ADAMTS12: variants seen among roughly 807,000 people sequenced by gnomAD.
ADAMTS12 encodes the protein ADAM metallopeptidase with thrombospondin type 1 motif 12.
In ADAMTS12, 118 loss-of-function variants were observed where a neutral mutation model predicts 167.8. That is an observed-to-expected ratio of 0.70 (90% confidence interval 0.61 to 0.82). The LOEUF is 0.82. ADAMTS12 is among the 40% of genes least tolerant of loss of function. The probability of loss-of-function intolerance (pLI) is 0.00; values close to 1 mark genes in which losing one functional copy is unlikely to be tolerated. For synonymous variants in ADAMTS12, 704 were observed against 716.9 expected, an observed-to-expected ratio of 0.98 and a Z score of 0.29; for missense variants, 1,916 against 1,998.8, an observed-to-expected ratio of 0.96 and a Z score of 0.79.
In ADAMTS12 at chr5:33,658,119, A is replaced by G. The variant is rs541985270; in HGVS notation, c.1190+65T>C. 4.4e-6 allele frequency: 7 copies of G among 1,588,134 alleles called. No homozygotes were observed. In the South Asian group the frequency reaches 4.5e-5, roughly 10 times the overall value. On this transcript the variant is annotated intron_variant, in intron 7 of 23. Coordinates refer to ENST00000504830, the MANE Select transcript of ADAMTS12 (RefSeq NM_030955.4). ...CCCAATTTGAGGTGTGTTCACCTCA[A>G]ATTCTCTCTGCTGATATTGACACAT...
chr5:33,545,447 G>A (rs1306622404), intron 22 of ADAMTS12, among the ~76,000 whole-genome samples: 1 of 152,240 alleles, frequency 6.6e-6, no homozygotes, highest in Non-Finnish European at 1.5e-5. Flanking sequence ...GTGGAGGACA[G>A]TGTGGTGATT....
intron 2 of ADAMTS12, among the ~76,000 whole-genome samples, chr5:33,834,926 A>G (rs1159891795): frequency 2.0e-5 from 3 of 152,320 alleles, no homozygotes; most frequent in East Asian, 1.9e-4. Flanking sequence ...TGGAGTCCCA[A>G]TGGCCCTTGC....
intron 2 of ADAMTS12, among the ~76,000 whole-genome samples, chr5:33,776,767 T>G (rs1745925386): frequency 4.0e-5 from 6 of 151,370 alleles, no homozygotes; most frequent in Admixed American, 3.3e-4. Flanking sequence ...AGAAGATAAA[T>G]AAAATTGACA....
At chr5:33,710,873 C>A (rs989397152) in intron 3 of ADAMTS12, among the ~76,000 whole-genome samples, 19 of 152,060 alleles carry the variant, frequency 1.2e-4, no homozygotes, top group Non-Finnish European at 2.6e-4. Flanking sequence ...CAGGAAAAAT[C>A]TTAATGAGTA....
Position 33,576,684 on chromosome 5 carries a change from G to A in ADAMTS12, c.3342C>T (p.Thr1114=), listed in dbSNP as rs1403266044. The part of the protein sequence containing the change: ...ENVSSSDTGP[T]SEGGLVATTT... The stretch of plus-strand genomic sequence containing the variant: ...TTGTAGCTACAAGGCCTCCCTCCGA[G>A]GTAGGACCAGTATCTGAACTGGAAA... The change falls in exon 19 of 24, where the codon ACC becomes ACT. Residue 1114 remains threonine (T), a synonymous_variant. Coordinates refer to ENST00000504830, the MANE Select transcript of ADAMTS12 (RefSeq NM_030955.4). 2 of 1,614,214 alleles carry A rather than the reference G, an allele frequency of 1.2e-6. No individual in the cohort carries two copies. The highest frequency in any genetic ancestry group is 3.3e-5 in the Admixed American group (2 of 60,030).
At chr5:33,685,568 G>A (rs1742294543) in intron 3 of ADAMTS12, among the ~76,000 whole-genome samples, 1 of 152,202 alleles carries the variant, frequency 6.6e-6, no homozygotes, top group African/African-American at 2.4e-5. Flanking sequence ...ATTGACAAAA[G>A]AAATGAAACA....
chr5:33,653,926 C>T (rs1740952656), intron 7 of ADAMTS12, among the ~76,000 whole-genome samples: 1 of 152,166 alleles, frequency 6.6e-6, no homozygotes, highest in African/African-American at 2.4e-5. Flanking sequence ...CTTTCTGAGG[C>T]TCCAATGACA....
chr5:33,673,681 A>AG, intron 5 of ADAMTS12, among the ~76,000 whole-genome samples: 1 of 152,116 alleles, frequency 6.6e-6, no homozygotes, highest in Non-Finnish European at 1.5e-5. Flanking sequence ...CCATATCATG[A>AG]CCATGGCTCA....
chr5:33,823,082 C>T (rs1747919665), intron 2 of ADAMTS12, among the ~76,000 whole-genome samples: 1 of 111,048 alleles, frequency 9.0e-6, no homozygotes, highest in African/African-American at 3.4e-5. Flanking sequence ...CAGAGGAAGA[C>T]CCCATTTCTA....
chr5:33,697,868 T>C (rs1353754292), intron 3 of ADAMTS12, among the ~76,000 whole-genome samples: 1 of 152,284 alleles, frequency 6.6e-6, no homozygotes, highest in Admixed American at 6.5e-5. Flanking sequence ...TGCCCCTTTG[T>C]TCAGGTGTGC....
chr5:33,815,233 C>T (rs1053347565), intron 2 of ADAMTS12, among the ~76,000 whole-genome samples: 2 of 152,194 alleles, frequency 1.3e-5, no homozygotes, highest in Non-Finnish European at 2.9e-5. Context: ...GAAGTTGTTA[C>T]AAACTGAATG....
intron 2 of ADAMTS12, among the ~76,000 whole-genome samples, chr5:33,763,563 A>G (rs1398352311): frequency 6.6e-6 from 1 of 152,254 alleles, no homozygotes; most frequent in South Asian, 2.1e-4. Flanking sequence ...TAGGAAACTA[A>G]TACACCCTAG....
chr5:33,551,391 A>C (rs994174961), intron 20 of ADAMTS12, among the ~76,000 whole-genome samples: 7 of 152,310 alleles, frequency 4.6e-5, no homozygotes, highest in African/African-American at 1.7e-4. Context: ...CAAAAGTGCA[A>C]ATTAAAAACT....
chr5:33,525,662 G>T lies in ADAMTS12; in HGVS notation c.*1526C>A, dbSNP rs1407458471. ...CCATTCTGCTGAACGGATAGGTAAA[G>T]GGAGACGTGGGATATTGTGTTCCAT... On this transcript the variant is annotated 3_prime_UTR_variant, in exon 24 of 24. Transcript: ENST00000504830. The T allele has an allele frequency of 1.3e-5, 2 of 152,166 alleles. No individual in the cohort carries two copies. Among genetic ancestry groups the T allele is most frequent in the Non-Finnish European group, 2.9e-5 (2 of 68,028 alleles). The allele number at this position is 152,166 out of a possible 1,614,324, so 9.4% of individuals were successfully genotyped here.
rs1236466768 is a variant in ADAMTS12 at position 33,779,846 on chromosome 5, G to A, written c.490-28298C>T. On this transcript the variant is annotated intron_variant, in intron 2 of 23. Transcript: ENST00000504830. Reference sequence around the variant, plus strand: ...GGCCATGAAGAGATGTTGGTCAAAGGGTATGAAGTTTCAGTTAAGCAAGAA... The same window carrying A: ...GGCCATGAAGAGATGTTGGTCAAAGAGTATGAAGTTTCAGTTAAGCAAGAA... 2.0e-5 allele frequency among the ~76,000 whole-genome samples: 3 copies of A among 152,126 alleles called. No homozygotes were observed. The East Asian group carries it at 5.8e-4, about 29-fold the overall frequency.
chr5:33,591,730 G>A (rs1267578651), intron 17 of ADAMTS12, among the ~76,000 whole-genome samples: 1 of 152,110 alleles, frequency 6.6e-6, no homozygotes, highest in African/African-American at 2.4e-5. Context: ...CGATCAGAAG[G>A]TCTCAATCAG....
chr5:33,563,335 G>A (rs905515938), intron 19 of ADAMTS12, among the ~76,000 whole-genome samples: 1 of 152,244 alleles, frequency 6.6e-6, no homozygotes, highest in African/African-American at 2.4e-5. Flanking sequence ...TCTTGAATCA[G>A]GGCTGTCCTT....
chr5:33,813,227 T>C (rs1747527823), intron 2 of ADAMTS12, among the ~76,000 whole-genome samples: 1 of 152,222 alleles, frequency 6.6e-6, no homozygotes, highest in African/African-American at 2.4e-5. Flanking sequence ...ATAGTTGTGC[T>C]GCCAGATTTG....
chr5:33,727,171 T>C (rs758183140), intron 3 of ADAMTS12, among the ~76,000 whole-genome samples: 29 of 152,244 alleles, frequency 1.9e-4, no homozygotes, highest in Admixed American at 5.2e-4. Context: ...AAGGCAGGGT[T>C]GGCCCAAGCA....
Sources: allele counts gnomAD v4.1 joint callset (sites outside exome capture counted in the v4.1 genomes callset), GRCh38; gene constraint gnomAD v4.1.1; transcripts MANE v1.5; gene names NCBI Gene and HGNC (gene_info 2026-07-23, HGNC 2026-07-21).